GNAO1: variants seen among roughly 807,000 people sequenced by gnomAD.
GNAO1 encodes G protein subunit alpha o1.
For missense variants in GNAO1, 166 were observed against 478.7 expected, an observed-to-expected ratio of 0.35 and a Z score of 6.10; for synonymous variants, 164 against 180.7, an observed-to-expected ratio of 0.91 and a Z score of 0.74.
At chr16:56,238,418 A>C (rs530413524) in intron 2 of GNAO1, among the ~76,000 whole-genome samples, 1 of 152,360 alleles carries the variant, frequency 6.6e-6, no homozygotes, top group African/African-American at 2.4e-5. Flanking sequence ...CTTGGGGCTG[A>C]GACCAGATTG....
rs140449214 is a variant in GNAO1 at position 56,257,348 on chromosome 16, C to T, written c.162-18583C>T. On this transcript the variant is annotated intron_variant, in intron 2 of 8. Coordinates refer to ENST00000262493, the MANE Select transcript of GNAO1 (RefSeq NM_020988.3). ...ACCAATGCAGAAGGTGCCTTTCCTA[C>T]TTGTTGGCTGAATGTCTTTGCATCG... Among the ~76,000 whole-genome samples, 175 of 152,324 alleles carry T rather than the reference C, an allele frequency of 1.1e-3. 1 individual carries two copies. The highest frequency in any genetic ancestry group is 4.1e-3 in the African/African-American group (171 of 41,578).
chr16:56,197,559 G>T (rs542317904), intron 2 of GNAO1, among the ~76,000 whole-genome samples: 1 of 152,188 alleles, frequency 6.6e-6, no homozygotes, highest in Non-Finnish European at 1.5e-5. Flanking sequence ...TTACCTATTG[G>T]ATTCTAAAGT....
chr16:56,256,807 C>T (rs902206032), intron 2 of GNAO1, among the ~76,000 whole-genome samples: 5 of 151,410 alleles, frequency 3.3e-5, no homozygotes, highest in African/African-American at 9.7e-5. Flanking sequence ...ACTCAGGGGC[C>T]ACTAACACTC....
intron 6 of GNAO1, chr16:56,347,725 C>T (rs1489385713): frequency 2.0e-6 from 2 of 985,254 alleles, no homozygotes; most frequent in Middle Eastern, 5.2e-4. Flanking sequence ...CCTGGCAGTG[C>T]AGCTCCGAGG....
chr16:56,216,239 A>G (rs75328842), intron 2 of GNAO1, among the ~76,000 whole-genome samples: 3,319 of 152,372 alleles, frequency 0.022, 111 homozygotes, highest in African/African-American at 0.067. Context: ...CTATAGGTAA[A>G]TAATATCTCC....
chr16:56,242,054 G>A (rs1396650287), intron 2 of GNAO1, among the ~76,000 whole-genome samples: 1 of 152,212 alleles, frequency 6.6e-6, no homozygotes, highest in East Asian at 1.9e-4. Context: ...GCCAGCCCAG[G>A]ACAGTCTCTG....
At chr16:56,261,259 C>T (rs769190804) in intron 2 of GNAO1, among the ~76,000 whole-genome samples, 4 of 152,246 alleles carry the variant, frequency 2.6e-5, no homozygotes, top group Non-Finnish European at 5.9e-5. Context: ...GCCTTGAACT[C>T]TCCTAGGCAG....
At chr16:56,220,338 A>G (rs1381818562) in intron 2 of GNAO1, among the ~76,000 whole-genome samples, 1 of 152,136 alleles carries the variant, frequency 6.6e-6, no homozygotes, top group Non-Finnish European at 1.5e-5. Context: ...TTCAGAGATC[A>G]TTCTTTCAAA....
At chr16:56,292,260 C>T (rs1401113542) in intron 3 of GNAO1, among the ~76,000 whole-genome samples, 1 of 152,194 alleles carries the variant, frequency 6.6e-6, no homozygotes, top group Non-Finnish European at 1.5e-5. Flanking sequence ...TGCCCACGTG[C>T]TGGATGCCTC....
chr16:56,283,904 G>A (rs1401817368), intron 3 of GNAO1, among the ~76,000 whole-genome samples: 1 of 152,054 alleles, frequency 6.6e-6, no homozygotes, highest in Non-Finnish European at 1.5e-5. Context: ...GCTCCATTTT[G>A]CAGATGGAAC....
At chr16:56,204,049 C>G (rs1282743718) in intron 2 of GNAO1, among the ~76,000 whole-genome samples, 1 of 152,102 alleles carries the variant, frequency 6.6e-6, no homozygotes, top group Non-Finnish European at 1.5e-5. Flanking sequence ...GTAGGAAAGG[C>G]AATGAGAAGT....
intron 4 of GNAO1, among the ~76,000 whole-genome samples, chr16:56,334,315 C>T (rs544858694): frequency 6.6e-6 from 1 of 152,154 alleles, no homozygotes. Flanking sequence ...TACTTACCTT[C>T]GATGAGCCCC....
chr16:56,207,291 G>C (rs942200985), intron 2 of GNAO1, among the ~76,000 whole-genome samples: 1 of 152,116 alleles, frequency 6.6e-6, no homozygotes, highest in Admixed American at 6.5e-5. Flanking sequence ...TGATTGTTAA[G>C]AAAAGACCAA....
At chr16:56,331,617 G>A (rs796623575) in intron 4 of GNAO1, among the ~76,000 whole-genome samples, 13 of 152,118 alleles carry the variant, frequency 8.5e-5, no homozygotes, top group African/African-American at 3.1e-4. Context: ...CTCCCTCGAT[G>A]CCTCCTGCCC....
intron 2 of GNAO1, among the ~76,000 whole-genome samples, chr16:56,231,653 C>T (rs997640435): frequency 6.6e-6 from 1 of 152,136 alleles, no homozygotes; most frequent in Non-Finnish European, 1.5e-5. Flanking sequence ...CTTTTCTGAA[C>T]CACTTAAATA....
At chr16:56,239,460 C>G (rs1349533031) in intron 2 of GNAO1, among the ~76,000 whole-genome samples, 1 of 152,164 alleles carries the variant, frequency 6.6e-6, no homozygotes, top group African/African-American at 2.4e-5. Context: ...AAAAAACCTT[C>G]CAAGGACAGA....
At chr16:56,213,317 T>C (rs2036407846) in intron 2 of GNAO1, 1 of 398,590 alleles carries the variant, frequency 2.5e-6, no homozygotes, top group Non-Finnish European at 4.4e-6. Context: ...TCTTAAGTGT[T>C]GTAACTGAGC....
At chr16:56,337,530 G>C (rs1473916871) in intron 6 of GNAO1, among the ~76,000 whole-genome samples, 1 of 152,246 alleles carries the variant, frequency 6.6e-6, no homozygotes, top group Non-Finnish European at 1.5e-5. Context: ...ACATTCCCCT[G>C]GGAGAGTGCA....
intron 2 of GNAO1, among the ~76,000 whole-genome samples, chr16:56,206,260 C>T (rs543469718): frequency 1.1e-3 from 157 of 148,272 alleles, no homozygotes; most frequent in African/African-American, 3.8e-3. Flanking sequence ...GCAGAGGTTG[C>T]AGTGAGCCGA....
Sources: gnomAD v4.1 joint callset for allele counts (sites outside exome capture counted in the v4.1 genomes callset) on GRCh38, gnomAD v4.1.1 for gene constraint, MANE v1.5 for transcripts, NCBI Gene and HGNC (gene_info 2026-07-23, HGNC 2026-07-21) for gene names.